ACAP3: variants seen among roughly 807,000 people sequenced by gnomAD.
ACAP3 encodes the protein arf-GAP with coiled-coil, ANK repeat and PH domain-containing protein 3.
ACAP3 carries 56 observed loss-of-function variants against 104.1 expected under a neutral mutation model. The ratio of observed to expected loss-of-function variants is 0.54; its 90% CI spans 0.43 to 0.67. ACAP3 has a LOEUF of 0.67. ACAP3 is among the 30% of genes least tolerant of loss of function. The probability of loss-of-function intolerance (pLI) is 0.00; values close to 1 mark genes in which losing one functional copy is unlikely to be tolerated. For synonymous variants in ACAP3, 628 were observed against 496.2 expected, an observed-to-expected ratio of 1.27 and a Z score of -3.53; for missense variants, 1,208 against 1,174.9, an observed-to-expected ratio of 1.03 and a Z score of -0.41.
At position 1,294,634 on chromosome 1, in the gene ACAP3, G is replaced by T. The variant is rs1483214531; in HGVS notation, c.1913-6C>A. ...CTCCTCCGACTCTGCACCCTCTGTG[G>T]GGAGGGGGCGGTCAGGGAAAGCAAC... is the stretch of plus-strand genomic sequence containing the variant. On this transcript the variant is annotated splice_region_variant and splice_polypyrimidine_tract_variant and intron_variant, in intron 20 of 23. Transcript: ENST00000354700. 1 of 1,529,500 alleles carries T rather than the reference G, an allele frequency of 6.5e-7. No homozygotes were observed. The highest frequency in any genetic ancestry group is 8.8e-7 in the Non-Finnish European group (1 of 1,136,106). 94.7% of individuals were successfully genotyped at this position (1,529,500 alleles called of 1,614,324 possible).
chr1:1,303,713 T>TC lies in ACAP3; in HGVS notation c.105+372dup. 1 of 384,336 alleles carries TC rather than the reference T, an allele frequency of 2.6e-6. No homozygotes were observed. The highest frequency in any genetic ancestry group is 4.7e-6 in the Non-Finnish European group (1 of 210,656). 23.8% of individuals were successfully genotyped at this position (384,336 alleles called of 1,614,324 possible). A position where few individuals can be genotyped will look rare whatever the true frequency, so the allele number is the denominator to read the frequency against. On this transcript the variant is annotated intron_variant, in intron 2 of 23. Coordinates refer to ENST00000354700, the MANE Select transcript of ACAP3 (RefSeq NM_030649.3). This position sits in a 1 kb window ranked among gnomAD's most constrained non-coding sequence, Gnocchi z 4.0. ...CCCATGTGGGGCTCATGGACACGGC[T>TC]CCCCCCTCCACGGCCTGTTGCCCCC...
In ACAP3 at chr1:1,303,796, C is replaced by G. The variant is rs1641559344; in HGVS notation, c.105+290G>C. The G allele has an allele frequency of 1.1e-5, 6 of 530,026 alleles. No individual in the cohort carries two copies. Among genetic ancestry groups the G allele is most frequent in the South Asian group, 8.6e-5 (4 of 46,716 alleles). 32.8% of individuals were successfully genotyped at this position (530,026 alleles called of 1,614,324 possible). On this transcript the variant is annotated intron_variant, in intron 2 of 23. Transcript: ENST00000354700. This position sits in a 1 kb window ranked among gnomAD's most constrained non-coding sequence, Gnocchi z 4.0. Reference sequence around the variant, plus strand: ...AAGGCTCAGCCCACACAGCAGCTGTCCCCGTGTCACCAGCCCAGCAGAGGG... The same window carrying G: ...AAGGCTCAGCCCACACAGCAGCTGTGCCCGTGTCACCAGCCCAGCAGAGGG...
At chr1:1,305,419 A>T (rs902402308) in intron 1 of ACAP3, 1 of 152,752 alleles carries the variant, frequency 6.5e-6, no homozygotes, top group African/African-American at 2.4e-5. Context: ...AGAGAGCGCC[A>T]CACCCCAGGA....
chr1:1,306,591 G>A (rs1265777296), intron 1 of ACAP3, among the ~76,000 whole-genome samples: 2 of 152,150 alleles, frequency 1.3e-5, no homozygotes, highest in Non-Finnish European at 2.9e-5. Context: ...GAGGGCTCCA[G>A]GGATACAGAG....
chr1:1,297,793 G>A (rs1482544857), intron 14 of ACAP3, 29 bp downstream of exon 14: 2 of 1,602,888 alleles, frequency 1.2e-6, no homozygotes, highest in African/African-American at 1.3e-5. Context: ...GTGTGCACGG[G>A]CTTGGGGCAG....
chr1:1,301,571 A>C (rs1205795388), intron 5 of ACAP3: 45 of 123,114 alleles, frequency 3.7e-4, no homozygotes, highest in South Asian at 7.6e-4. Flanking sequence ...ACCCCCCTCC[A>C]CTCCAGGCCC....
rs910087911 is a variant in ACAP3 at position 1,296,652 on chromosome 1, C to G, written c.1129-19G>C. ...CCAGCCTCTGGAGGATGGGGTGGAGCTGCTCGGTCCCGCAGGGGCTCCAGC... is the reference window on the plus strand; with the variant it reads ...CCAGCCTCTGGAGGATGGGGTGGAGGTGCTCGGTCCCGCAGGGGCTCCAGC... On this transcript the variant is annotated intron_variant, in intron 14 of 23. Coordinates refer to ENST00000354700, the MANE Select transcript of ACAP3 (RefSeq NM_030649.3). 2.6e-6 allele frequency: 4 copies of G among 1,525,772 alleles called. No homozygotes were observed. In the African/African-American group the frequency reaches 4.1e-5, roughly 16 times the overall value. The allele number at this position is 1,525,772 out of a possible 1,614,324, so 94.5% of individuals were successfully genotyped here.
rs756177801 is a variant in ACAP3, at chr1:1,299,914, G to C, written c.664-9C>G. 1.3e-6 allele frequency: 2 copies of C among 1,587,396 alleles called. No individual in the cohort carries two copies. Among genetic ancestry groups the C allele is most frequent in the East Asian group, 2.3e-5 (1 of 44,140 alleles). On this transcript the variant is annotated splice_polypyrimidine_tract_variant and intron_variant, in intron 8 of 23. Coordinates refer to ENST00000354700, the MANE Select transcript of ACAP3 (RefSeq NM_030649.3). ...ATCACCAGCTGGTCCAGCTGTTGGG[G>C]GTGGCATTAGGGAAGGTCACGGAGG...
In ACAP3 at chr1:1,302,050, G is replaced by T. The variant is rs1191263918; in HGVS notation, c.280-4C>A. 1 of 1,543,004 alleles carries T rather than the reference G, an allele frequency of 6.5e-7. No individual in the cohort carries two copies. The highest frequency in any genetic ancestry group is 8.8e-7 in the Non-Finnish European group (1 of 1,140,310). On this transcript the variant is annotated splice_polypyrimidine_tract_variant and splice_region_variant and intron_variant, in intron 4 of 23. Coordinates refer to ENST00000354700, the MANE Select transcript of ACAP3 (RefSeq NM_030649.3). ...TCTGGGCCTGGTCAAACAGGATCTGGGGGCAGAGGCGGGCAGAGATCCTTG... is the reference window on the plus strand; with the variant it reads ...TCTGGGCCTGGTCAAACAGGATCTGTGGGCAGAGGCGGGCAGAGATCCTTG...
chr1:1,296,119 G>C lies in ACAP3; in HGVS notation c.1408-10C>G. 1.2e-6 allele frequency: 2 copies of C among 1,612,626 alleles called. No homozygotes were observed. The highest frequency in any genetic ancestry group is 1.7e-6 in the Non-Finnish European group (2 of 1,179,898). On this transcript the variant is annotated splice_polypyrimidine_tract_variant and intron_variant, in intron 16 of 23. Coordinates refer to ENST00000354700, the MANE Select transcript of ACAP3 (RefSeq NM_030649.3). ...CAAGCTCACACATCAGCTAGCGGGA[G>C]ACAGGGCGAGCAGGCATCAGTGCGA...
In ACAP3 at chr1:1,298,594, G is replaced by A; in HGVS notation, c.836C>T (p.Ala279Val). The change falls in exon 11 of 24, where the codon GCC becomes GTC. Residue 279 changes from alanine to valine, a missense_variant. Physicochemically the swap from Ala to Val is moderately conservative, Grantham distance 64. Transcript: ENST00000354700. ...GTTCCATGTCTTGAAAGCGTTGCTG[G>A]CCCTCTTGAAGAGGTAGCCCTCCAT... The part of the protein sequence containing the change: ...VVMEGYLFKR[A>V]SNAFKTWNRR... 1 of 1,611,618 alleles carries A rather than the reference G, an allele frequency of 6.2e-7. No individual in the cohort carries two copies. The highest frequency in any genetic ancestry group is 8.5e-7 in the Non-Finnish European group (1 of 1,179,658).
intron 1 of ACAP3, chr1:1,304,454 C>T: frequency 2.0e-6 from 1 of 507,680 alleles, no homozygotes; most frequent in Non-Finnish European, 3.6e-6. Context: ...AGGGCTGAGC[C>T]AGCCTCACCC....
At chr1:1,297,745 A>C (rs1641250305) in intron 14 of ACAP3, 77 bp downstream of exon 14, 1 of 1,383,586 alleles carries the variant, frequency 7.2e-7, no homozygotes, top group Non-Finnish European at 9.9e-7. Flanking sequence ...GTGTGTGTGC[A>C]CAGGCGCGGG....
At chr1:1,299,138 G>A in intron 10 of ACAP3, 1 of 655,900 alleles carries the variant, frequency 1.5e-6, no homozygotes, top group Non-Finnish European at 2.6e-6. Flanking sequence ...AGGCCACATG[G>A]GATGGGAAGG....
At chr1:1,298,999 G>T in intron 10 of ACAP3, 3 of 555,758 alleles carry the variant, frequency 5.4e-6, no homozygotes, top group Non-Finnish European at 9.5e-6. Context: ...CATCCTGAGT[G>T]CCCCATTCAT....
In ACAP3 at chr1:1,302,995, C is replaced by A; in HGVS notation, c.226-20G>T. On this transcript the variant is annotated intron_variant, in intron 3 of 23. Coordinates refer to ENST00000354700, the MANE Select transcript of ACAP3 (RefSeq NM_030649.3). ...ACATTCCTGGAGGAGCAGATGGGAA[C>A]CCGTGCTGAGATGGCAAATCCGGGC... is the stretch of plus-strand genomic sequence containing the variant. 1 of 1,605,868 alleles carries A rather than the reference C, an allele frequency of 6.2e-7. No homozygotes were observed. The highest frequency in any genetic ancestry group is 8.5e-7 in the Non-Finnish European group (1 of 1,176,162).
intron 1 of ACAP3, 50 bp from the exon 2 acceptor site, chr1:1,304,193 CG>C: frequency 6.5e-7 from 1 of 1,546,612 alleles, no homozygotes; most frequent in Non-Finnish European, 8.7e-7. Flanking sequence ...TCAGCCCCCT[CG>C]GGGCTTCACC....
At chr1:1,294,860 G>A in intron 19 of ACAP3, 44 bp from the exon 20 acceptor site, 1 of 1,538,752 alleles carries the variant, frequency 6.5e-7, no homozygotes, top group Non-Finnish European at 8.8e-7. Flanking sequence ...GGGAGGCCCA[G>A]ACTCCGTCCA....
chr1:1,302,046 T>A lies in ACAP3; in HGVS notation c.280A>T (p.Ile94Phe). Residue 94 changes from isoleucine (I) to phenylalanine (F), a missense_variant and splice_region_variant, in exon 5 of 24, where the codon ATC (isoleucine) becomes TTC (phenylalanine). Coordinates refer to ENST00000354700, the MANE Select transcript of ACAP3 (RefSeq NM_030649.3). ...SLQEVVNYHM[I>F]LFDQAQRSVR... ...GACCTCTGGGCCTGGTCAAACAGGA[T>A]CTGGGGGCAGAGGCGGGCAGAGATC... The A allele has an allele frequency of 2.6e-6, 4 of 1,546,588 alleles. No homozygotes were observed. The highest frequency in any genetic ancestry group is 2.6e-6 in the Non-Finnish European group (3 of 1,142,342).
Sources: allele counts gnomAD v4.1 joint callset (sites outside exome capture counted in the v4.1 genomes callset), GRCh38; gene constraint gnomAD v4.1.1; non-coding constraint Gnocchi (gnomAD v3.1); transcripts MANE v1.5; gene names NCBI Gene and HGNC (gene_info 2026-07-23, HGNC 2026-07-21).